The following KHDRBS3 variants were observed in gnomAD, a reference collection of about 807,000 sequenced individuals.
KHDRBS3 encodes the protein KH RNA binding domain containing, signal transduction associated 3.
Under a neutral mutation model 45.6 loss-of-function variants are expected in KHDRBS3, and 23 were observed. The ratio of observed to expected loss-of-function variants is 0.50; its 90% CI spans 0.36 to 0.72. The LOEUF is 0.72. Among genes scored for constraint, KHDRBS3 ranks in the 30% least tolerant of loss-of-function variants. The pLI, the probability that KHDRBS3 is intolerant of heterozygous loss-of-function variation, is 0.00. For synonymous variants in KHDRBS3, 162 were observed against 156.5 expected, an observed-to-expected ratio of 1.04 and a Z score of -0.26; for missense variants, 352 against 424.8, an observed-to-expected ratio of 0.83 and a Z score of 1.51.
At chr8:135,530,884 T>C (rs1355523356) in intron 2 of KHDRBS3, among the ~76,000 whole-genome samples, 1 of 152,212 alleles carries the variant, frequency 6.6e-6, no homozygotes, top group East Asian at 1.9e-4. Context: ...TTTCACTCCT[T>C]AATTTAGAAC....
chr8:135,494,604 T>C (rs1260045637), intron 1 of KHDRBS3, among the ~76,000 whole-genome samples: 1 of 152,160 alleles, frequency 6.6e-6, no homozygotes, highest in Admixed American at 6.5e-5. Context: ...TTGAGCCTGA[T>C]TTACTAGTTT....
chr8:135,591,431 T>G (rs962727556), intron 6 of KHDRBS3, among the ~76,000 whole-genome samples: 2 of 152,162 alleles, frequency 1.3e-5, no homozygotes, highest in African/African-American at 4.8e-5. Context: ...GTCAAAGAGA[T>G]AGTTTTGAAT....
At chr8:135,532,795 G>A (rs1825546217) in intron 2 of KHDRBS3, among the ~76,000 whole-genome samples, 1 of 152,046 alleles carries the variant, frequency 6.6e-6, no homozygotes, top group African/African-American at 2.4e-5. Flanking sequence ...TTAATATTTA[G>A]TGCATGGATT....
intron 7 of KHDRBS3, among the ~76,000 whole-genome samples, chr8:135,637,914 A>T (rs1830884724): frequency 1.3e-5 from 2 of 152,226 alleles, no homozygotes; most frequent in South Asian, 4.1e-4. Context: ...CAGTAGTTTG[A>T]ATCAAGAAGA....
downstream of KHDRBS3, among the ~76,000 whole-genome samples, chr8:135,648,811 A>AG (rs1831371776): frequency 6.6e-6 from 1 of 152,186 alleles, no homozygotes; most frequent in East Asian, 1.9e-4. Context: ...CAGAGATTGG[A>AG]GGCTCAGGTC....
intron 7 of KHDRBS3, among the ~76,000 whole-genome samples, chr8:135,624,122 C>A (rs1830261582): frequency 6.6e-6 from 1 of 152,142 alleles, no homozygotes; most frequent in Non-Finnish European, 1.5e-5. Flanking sequence ...ACAGCAGATA[C>A]CGAAAATACC....
At chr8:135,571,087 A>G (rs961630426) in intron 5 of KHDRBS3, among the ~76,000 whole-genome samples, 6 of 152,210 alleles carry the variant, frequency 3.9e-5, no homozygotes, top group African/African-American at 7.2e-5. Flanking sequence ...AAGAAATGCA[A>G]CTAGGCACAG....
intron 1 of KHDRBS3, among the ~76,000 whole-genome samples, chr8:135,459,852 C>T (rs1821341014): frequency 6.6e-6 from 1 of 152,094 alleles, no homozygotes; most frequent in Non-Finnish European, 1.5e-5. Context: ...GGAAATGTTG[C>T]CATTTAGTGT....
intron 2 of KHDRBS3, chr8:135,539,942 A>G (rs1348118520): frequency 1.3e-5 from 2 of 152,190 alleles, no homozygotes; most frequent in Admixed American, 6.5e-5. Flanking sequence ...AGTGACCTTT[A>G]ATCAATCATG....
At chr8:135,625,859 C>T (rs931495300) in intron 7 of KHDRBS3, 7 of 769,278 alleles carry the variant, frequency 9.1e-6, no homozygotes, top group African/African-American at 6.8e-5. Context: ...ACTAGGCAGC[C>T]CCTGAGCACA....
At chr8:135,595,658 C>G (rs916326629) in intron 6 of KHDRBS3, among the ~76,000 whole-genome samples, 7 of 152,186 alleles carry the variant, frequency 4.6e-5, no homozygotes, top group African/African-American at 1.7e-4. Context: ...GGGCCAGTAG[C>G]CATTTCCCCT....
intron 4 of KHDRBS3, among the ~76,000 whole-genome samples, chr8:135,653,786 G>T (rs1462828559): frequency 6.6e-6 from 1 of 152,158 alleles, no homozygotes; most frequent in Non-Finnish European, 1.5e-5. Flanking sequence ...ACTTACAGTG[G>T]GTTTATGAGG....
At chr8:135,579,583 C>G (rs534874516) in intron 5 of KHDRBS3, among the ~76,000 whole-genome samples, 209 of 152,304 alleles carry the variant, frequency 1.4e-3, no homozygotes, top group African/African-American at 4.9e-3. Context: ...GTGATCCACC[C>G]ATGTTGGCCT....
At chr8:135,567,495 T>A (rs1457212980) in intron 5 of KHDRBS3, among the ~76,000 whole-genome samples, 3 of 152,252 alleles carry the variant, frequency 2.0e-5, no homozygotes, top group East Asian at 1.9e-4. Flanking sequence ...TGCTATACTT[T>A]GCTGTTACTA....
intron 7 of KHDRBS3, among the ~76,000 whole-genome samples, chr8:135,615,358 G>A (rs915822981): frequency 2.0e-5 from 3 of 151,772 alleles, no homozygotes; most frequent in Non-Finnish European, 2.9e-5. Flanking sequence ...CTGCTGTAGT[G>A]TATCAGACAC....
In KHDRBS3 at chr8:135,481,520, CTG is replaced by C. The variant is rs1822577794; in HGVS notation, c.88+23570_88+23571del. ...AGGGTATGCTTTGTGAAGGCAGGGA[CTG>C]TGTATGCACGGTGCTTGAAACGAAA... On this transcript the variant is annotated intron_variant, in intron 1 of 8. Transcript: ENST00000355849. Among the ~76,000 whole-genome samples the C allele has an allele frequency of 5.3e-5, 8 of 152,032 alleles. No individual in the cohort carries two copies. The South Asian group carries it at 1.5e-3, about 28-fold the overall frequency.
chr8:135,634,897 C>T (rs1183210336), intron 7 of KHDRBS3, among the ~76,000 whole-genome samples: 2 of 152,198 alleles, frequency 1.3e-5, no homozygotes, highest in African/African-American at 4.8e-5. Context: ...GTAATGCTCA[C>T]TCTGCCGGCC....
chr8:135,473,485 C>T (rs1397411709), intron 1 of KHDRBS3, among the ~76,000 whole-genome samples: 1 of 152,066 alleles, frequency 6.6e-6, no homozygotes, highest in East Asian at 1.9e-4. Flanking sequence ...CGGGGGTACT[C>T]TGAGGATATG....
At chr8:135,636,696 A>G (rs1673861304) in intron 7 of KHDRBS3, among the ~76,000 whole-genome samples, 1 of 152,206 alleles carries the variant, frequency 6.6e-6, no homozygotes, top group Non-Finnish European at 1.5e-5. Context: ...CGTCAACTGA[A>G]TCGTCCTCAC....
Sources: gnomAD v4.1 joint callset for allele counts (sites outside exome capture counted in the v4.1 genomes callset) on GRCh38, gnomAD v4.1.1 for gene constraint, MANE v1.5 for transcripts, NCBI Gene and HGNC (gene_info 2026-07-23, HGNC 2026-07-21) for gene names.